The following DLG2 variants were observed in gnomAD, a reference collection of about 807,000 sequenced individuals.
DLG2 encodes discs large MAGUK scaffold protein 2.
DLG2 carries 45 observed loss-of-function variants against 132.5 expected under a neutral mutation model. The ratio of observed to expected loss-of-function variants is 0.34; its 90% CI spans 0.27 to 0.44. DLG2 has a LOEUF of 0.44. Among genes scored for constraint, DLG2 ranks in the 20% least tolerant of loss-of-function variants. The pLI, the probability that DLG2 is intolerant of heterozygous loss-of-function variation, is 1.00. For missense variants in DLG2, 1,045 were observed against 1,196.9 expected (o/e 0.87, Z 1.87); for synonymous variants, 424 against 419.6 (o/e 1.01, Z -0.13).
At chr11:84,014,589 A>C (rs1345510243) in intron 11 of DLG2, among the ~76,000 whole-genome samples, 1 of 152,192 alleles carries the variant, frequency 6.6e-6, no homozygotes, top group African/African-American at 2.4e-5. Flanking sequence ...ATTGTCTGAA[A>C]GAATTGCCTG....
intron 7 of DLG2, among the ~76,000 whole-genome samples, chr11:84,466,879 A>C (rs1311655394): frequency 6.6e-6 from 1 of 151,436 alleles, no homozygotes; most frequent in East Asian, 1.9e-4. Flanking sequence ...TACTAAGAAA[A>C]CAAAAATTTT....
At chr11:84,731,152 G>A (rs1216242713) in intron 6 of DLG2, among the ~76,000 whole-genome samples, 1 of 152,064 alleles carries the variant, frequency 6.6e-6, no homozygotes. Context: ...CAAATGTAAT[G>A]CATTGGAAGA....
At chr11:83,811,239 GA>G (rs2047182035) in intron 17 of DLG2, among the ~76,000 whole-genome samples, 1 of 152,080 alleles carries the variant, frequency 6.6e-6, no homozygotes, top group Non-Finnish European at 1.5e-5. Context: ...GGAAATTGAA[GA>G]ATACTTCTGC....
chr11:84,394,486 A>G (rs1197075526), intron 7 of DLG2, among the ~76,000 whole-genome samples: 1 of 152,046 alleles, frequency 6.6e-6, no homozygotes, highest in Non-Finnish European at 1.5e-5. Flanking sequence ...CCACTCTTCT[A>G]TTAAGATGGC....
At chr11:84,038,991 C>T (rs1246395501) in intron 11 of DLG2, among the ~76,000 whole-genome samples, 1 of 152,052 alleles carries the variant, frequency 6.6e-6, no homozygotes, top group Non-Finnish European at 1.5e-5. Context: ...CCTCCCATGA[C>T]ACGTGGGCAT....
In DLG2 at chr11:84,408,128, G is replaced by A. The variant is rs571742669; in HGVS notation, c.519+126442C>T. ...CCAATGAGCTCGGAAAAGATGACCT[G>A]GAGATTCAGAGAAATTAACCAATTA... On this transcript the variant is annotated intron_variant, in intron 7 of 27. Coordinates refer to ENST00000376104, the MANE Select transcript of DLG2 (RefSeq NM_001142699.3). Among the ~76,000 whole-genome samples the A allele has an allele frequency of 2.0e-5, 3 of 152,118 alleles. No homozygotes were observed. The East Asian group carries it at 5.8e-4, about 29-fold the overall frequency.
rs565143065 is a variant in DLG2, at chr11:84,353,636, G to T, written c.520-102345C>A. Among the ~76,000 whole-genome samples, 6 of 152,196 alleles carry T rather than the reference G, an allele frequency of 3.9e-5. No homozygotes were observed. In the East Asian group the frequency reaches 1.2e-3, roughly 29 times the overall value. ...AAATCTGCTCAATAACTTTGAAATG[G>T]TGATCACTGCTATTTAAATATCATT... On this transcript the variant is annotated intron_variant, in intron 7 of 27. Coordinates refer to ENST00000376104, the MANE Select transcript of DLG2 (RefSeq NM_001142699.3).
chr11:84,297,510 C>T (rs1479568476), intron 7 of DLG2, among the ~76,000 whole-genome samples: 2 of 152,182 alleles, frequency 1.3e-5, no homozygotes, highest in Admixed American at 1.3e-4. Context: ...TATCCTCAGT[C>T]TCTACAATAG....
chr11:85,427,907 G>A (rs1486934745), intron 3 of DLG2, among the ~76,000 whole-genome samples: 1 of 152,122 alleles, frequency 6.6e-6, no homozygotes, highest in African/African-American at 2.4e-5. Flanking sequence ...ACACACATAG[G>A]CTCAAAATAA....
At chr11:83,781,097 T>G (rs2094803283) in intron 18 of DLG2, among the ~76,000 whole-genome samples, 2 of 152,204 alleles carry the variant, frequency 1.3e-5, no homozygotes, top group Non-Finnish European at 2.9e-5. Context: ...AGACAACATT[T>G]AGTAGAACAA....
chr11:84,317,062 G>C, intron 7 of DLG2: 1 of 1,612,864 alleles, frequency 6.2e-7, no homozygotes, highest in Non-Finnish European at 8.5e-7. Context: ...GGGCATCCCT[G>C]ATCAGGGTGG....
chr11:83,633,193 A>G lies in DLG2; in HGVS notation c.1940+18T>C. 6.2e-7 allele frequency: 1 copy of G among 1,610,286 alleles called. No homozygotes were observed. The highest frequency in any genetic ancestry group is 8.5e-7 in the Non-Finnish European group (1 of 1,176,668). ...AATTGCTCACAAAGTGCAGATAGAG[A>G]AATACTCCTTTGCCTACCTGACGTA... is the stretch of plus-strand genomic sequence containing the variant. On this transcript the variant is annotated intron_variant, in intron 19 of 27. Transcript: ENST00000376104.
At chr11:85,072,763 G>C (rs188563123) in intron 6 of DLG2, among the ~76,000 whole-genome samples, 101 of 151,950 alleles carry the variant, frequency 6.6e-4, no homozygotes, top group African/African-American at 2.4e-3. Context: ...CAAAGAGTAG[G>C]CTGCATGGGC....
intron 2 of DLG2, among the ~76,000 whole-genome samples, chr11:85,603,599 A>G (rs2080316018): frequency 6.6e-6 from 1 of 150,662 alleles, no homozygotes. Context: ...TGTAGGTATT[A>G]CCCTAGTCGT....
At chr11:85,586,349 G>A (rs565921472) in intron 3 of DLG2, among the ~76,000 whole-genome samples, 1 of 151,920 alleles carries the variant, frequency 6.6e-6, no homozygotes, top group African/African-American at 2.4e-5. Context: ...ACTTTTTTTT[G>A]TTGGTAACTT....
chr11:85,603,080 T>A (rs1033986732), intron 2 of DLG2, among the ~76,000 whole-genome samples: 3 of 152,212 alleles, frequency 2.0e-5, no homozygotes, highest in African/African-American at 7.2e-5. Flanking sequence ...TAAATGTGGA[T>A]GAACAGAGAG....
chr11:85,200,576 C>T (rs1367013216), intron 4 of DLG2, among the ~76,000 whole-genome samples: 1 of 152,162 alleles, frequency 6.6e-6, no homozygotes, highest in Non-Finnish European at 1.5e-5. Context: ...TATGCAGGGA[C>T]TTGCTGGGAG....
intron 7 of DLG2, among the ~76,000 whole-genome samples, chr11:84,335,275 A>C (rs2098479089): frequency 6.6e-6 from 1 of 150,436 alleles, no homozygotes; most frequent in African/African-American, 2.4e-5. Context: ...GAAGGGAGGG[A>C]GGGAGGAAAA....
chr11:85,183,559 A>G (rs1347769399), intron 4 of DLG2, among the ~76,000 whole-genome samples: 1 of 151,932 alleles, frequency 6.6e-6, no homozygotes, highest in Non-Finnish European at 1.5e-5. Flanking sequence ...ATCTTACTAC[A>G]TCAAATCTTG....
Sources: gnomAD v4.1 joint callset for allele counts (sites outside exome capture counted in the v4.1 genomes callset) on GRCh38, gnomAD v4.1.1 for gene constraint, MANE v1.5 for transcripts, NCBI Gene and HGNC (gene_info 2026-07-23, HGNC 2026-07-21) for gene names.